The following KLF12 variants were observed in gnomAD, a reference collection of about 807,000 sequenced individuals.
KLF12 encodes Krueppel-like factor 12.
A neutral mutation model predicts 37.8 loss-of-function variants in KLF12; 9 were observed. That is an observed-to-expected ratio of 0.24 (90% CI 0.14 to 0.42). The LOEUF is 0.42. Ranked by LOEUF, KLF12 falls within the 10% of genes least tolerant of loss-of-function variation. The pLI is 1.00. For synonymous variants in KLF12, 208 were observed against 202.1 expected, an observed-to-expected ratio of 1.03 and a Z score of -0.25; for missense variants, 411 against 516.0, an observed-to-expected ratio of 0.80 and a Z score of 1.97.
chr13:73,928,131 C>T (rs1026759820), intron 3 of KLF12, among the ~76,000 whole-genome samples: 3 of 152,242 alleles, frequency 2.0e-5, no homozygotes, highest in Non-Finnish European at 2.9e-5. Context: ...GCTGGGATTA[C>T]AGGCGTGAGC....
chr13:74,013,318 C>A (rs1892596851), intron 1 of KLF12, among the ~76,000 whole-genome samples: 1 of 152,186 alleles, frequency 6.6e-6, no homozygotes, highest in South Asian at 2.1e-4. Context: ...AGTCTAAATG[C>A]TAAAAAGAGC....
At chr13:74,116,504 T>G (rs910133552) in intron 1 of KLF12, among the ~76,000 whole-genome samples, 1 of 152,222 alleles carries the variant, frequency 6.6e-6, no homozygotes, top group Non-Finnish European at 1.5e-5. Flanking sequence ...TCTCAAGATT[T>G]TAGGCTTTCA....
At chr13:74,078,922 G>A (rs1209944728) in intron 1 of KLF12, among the ~76,000 whole-genome samples, 1 of 152,088 alleles carries the variant, frequency 6.6e-6, no homozygotes, top group East Asian at 1.9e-4. Context: ...GCAAATAAGA[G>A]ACAAAAACTC....
At chr13:74,234,218 C>T in the KLF12 span, among the ~76,000 whole-genome samples, 1 of 152,116 alleles carries the variant, frequency 6.6e-6, no homozygotes, top group Non-Finnish European at 1.5e-5. Context: ...AATGCTGCTA[C>T]ATTAAATATT....
intron 1 of KLF12, among the ~76,000 whole-genome samples, chr13:74,115,642 T>A (rs937846737): frequency 6.6e-6 from 1 of 150,842 alleles, no homozygotes; most frequent in Non-Finnish European, 1.5e-5. Flanking sequence ...GGGACAGAGG[T>A]TGCAGTGAGT....
chr13:74,005,322 A>G (rs1892382676), intron 1 of KLF12, among the ~76,000 whole-genome samples: 1 of 152,218 alleles, frequency 6.6e-6, no homozygotes, highest in African/African-American at 2.4e-5. Flanking sequence ...ATATAAAGGA[A>G]CTATAAAATC....
intron 5 of KLF12, among the ~76,000 whole-genome samples, chr13:73,793,054 T>A (rs998411226): frequency 6.6e-6 from 1 of 152,182 alleles, no homozygotes; most frequent in Non-Finnish European, 1.5e-5. Context: ...AGACATGAAT[T>A]TGAAAACAAC....
the KLF12 span, among the ~76,000 whole-genome samples, chr13:74,301,397 G>A: frequency 1.3e-5 from 2 of 152,212 alleles, no homozygotes; most frequent in East Asian, 3.9e-4. Flanking sequence ...TTTTGTTATT[G>A]TTTCTTTCAA....
chr13:74,140,772 A>G, the KLF12 span, among the ~76,000 whole-genome samples: 1 of 152,134 alleles, frequency 6.6e-6, no homozygotes, highest in Admixed American at 6.6e-5. Flanking sequence ...TGAAGGTTGG[A>G]GCAGGGTGCG....
chr13:74,024,037 G>A (rs1188903271), intron 1 of KLF12, among the ~76,000 whole-genome samples: 1 of 152,186 alleles, frequency 6.6e-6, no homozygotes, highest in South Asian at 2.1e-4. Context: ...ATCAAGTTGT[G>A]TATGGCTTAT....
At chr13:74,036,342 A>C (rs962673873) in intron 1 of KLF12, among the ~76,000 whole-genome samples, 3 of 152,158 alleles carry the variant, frequency 2.0e-5, no homozygotes, top group African/African-American at 7.2e-5. Context: ...AAGAGTTAAA[A>C]ATTGATTGTT....
chr13:74,094,607 T>G (rs1875871694), intron 1 of KLF12, among the ~76,000 whole-genome samples: 2 of 151,652 alleles, frequency 1.3e-5, no homozygotes, highest in African/African-American at 4.8e-5. Flanking sequence ...TCTTTTCTTT[T>G]TTTTTTTTTT....
At chr13:73,826,035 C>T (rs1034442131) in intron 4 of KLF12, among the ~76,000 whole-genome samples, 45 of 151,870 alleles carry the variant, frequency 3.0e-4, no homozygotes, top group Admixed American at 1.2e-3. Flanking sequence ...TGCATTGGGA[C>T]GATCTCGGCT....
intron 1 of KLF12, among the ~76,000 whole-genome samples, chr13:74,040,366 G>A (rs1227966279): frequency 1.3e-5 from 2 of 152,132 alleles, no homozygotes; most frequent in Non-Finnish European, 2.9e-5. Flanking sequence ...TATGGAATAC[G>A]GTACTGTGCT....
At chr13:74,017,409 C>G (rs1295650596) in intron 1 of KLF12, among the ~76,000 whole-genome samples, 3 of 150,722 alleles carry the variant, frequency 2.0e-5, no homozygotes, top group African/African-American at 4.9e-5. Flanking sequence ...GAGATCTTAT[C>G]TTAATCATAT....
chr13:73,810,984 T>C lies in KLF12; in HGVS notation c.806+2168A>G, dbSNP rs1449290687. Among the ~76,000 whole-genome samples, 177 of 112,994 alleles carry C rather than the reference T, an allele frequency of 1.6e-3. 2 individuals are homozygous for C. Among genetic ancestry groups the C allele is most frequent in the African/African-American group, 6.5e-3 (165 of 25,442 alleles). 74.1% of individuals were successfully genotyped at this position (112,994 alleles called of 152,430 possible). ...GTTTATTTTTTTAATTTTTCTTTCT[T>C]TTTTTTTTTTTTTTTTTTTTTTTAG... On this transcript the variant is annotated intron_variant, in intron 5 of 7. Transcript: ENST00000377669.
intron 4 of KLF12, among the ~76,000 whole-genome samples, chr13:73,831,581 G>C (rs1027760859): frequency 6.6e-6 from 1 of 152,070 alleles, no homozygotes; most frequent in African/African-American, 2.4e-5. Context: ...TTCTCTCCAA[G>C]GACTAAAGCG....
chr13:73,698,204 G>A (rs1480101106), intron 7 of KLF12, among the ~76,000 whole-genome samples: 4 of 151,146 alleles, frequency 2.6e-5, no homozygotes, highest in Non-Finnish European at 5.9e-5. Context: ...AGGGGAAAGG[G>A]AAGGAGGAGG....
At chr13:73,796,507 CTGTGTGTGTGTGTGTGTGTGTGTG>C (rs5804694) in intron 5 of KLF12, among the ~76,000 whole-genome samples, 16 of 140,364 alleles carry the variant, frequency 1.1e-4, no homozygotes, top group South Asian at 7.2e-4. Context: ...TGCCCCTGTG[CTGTGTGTGTGTGTGTGTGTGTGTG>C]TGTGTGTGTG....
Sources: gnomAD v4.1 joint callset for allele counts (sites outside exome capture counted in the v4.1 genomes callset) on GRCh38, gnomAD v4.1.1 for gene constraint, MANE v1.5 for transcripts, NCBI Gene and HGNC (gene_info 2026-07-23, HGNC 2026-07-21) for gene names.